POLI: variants seen among roughly 807,000 people sequenced by gnomAD.
The protein encoded by POLI is DNA polymerase iota.
Under a neutral mutation model 51.6 loss-of-function variants are expected in POLI, and 58 were observed. The observed-to-expected ratio is 1.12, with a 90% CI of 0.91 to 1.40. The LOEUF is 1.40. Among genes scored for constraint, POLI ranks in the 40% most tolerant of loss-of-function variants. The pLI is 0.00. For missense variants in POLI, 921 were observed against 871.3 expected (o/e 1.06, Z -0.72); for synonymous variants, 322 against 299.7 (o/e 1.07, Z -0.77).
intron 3 of POLI, among the ~76,000 whole-genome samples, chr18:54,317,561 C>T (rs1001561638): frequency 2.0e-5 from 3 of 152,034 alleles, no homozygotes; most frequent in African/African-American, 7.2e-5. Flanking sequence ...TAAAGCAGAA[C>T]GTATTAAAAT....
intron 7 of POLI, among the ~76,000 whole-genome samples, chr18:54,285,202 C>T (rs1474717201): frequency 6.6e-6 from 1 of 152,182 alleles, no homozygotes; most frequent in Admixed American, 6.5e-5. Context: ...ATGACTCAGG[C>T]TGGGCCTGCG....
Position 54,296,252 on chromosome 18 carries a change from AAAT to A in POLI, c.*1786_*1788del. On this transcript the variant is annotated 3_prime_UTR_variant, in exon 10 of 10. Transcript: ENST00000579534. ...GAAAAAATGGCTAAGAAAACAAAGT[AAAT>A]GGTTTTGGCCAGCTTAAAAAGAGAA... is the stretch of plus-strand genomic sequence containing the variant. 4 of 985,432 alleles carry A rather than the reference AAAT, an allele frequency of 4.1e-6. No individual in the cohort carries two copies. The highest frequency in any genetic ancestry group is 4.8e-6 in the Non-Finnish European group (4 of 829,906). The allele number at this position is 985,432 out of a possible 1,614,324, so 61.0% of individuals were successfully genotyped here.
chr18:54,288,412 G>T (rs1420766146), intron 8 of POLI, among the ~76,000 whole-genome samples: 1 of 152,062 alleles, frequency 6.6e-6, no homozygotes, highest in African/African-American at 2.4e-5. Context: ...TACGGTAAGG[G>T]TCTTCATTCT....
At chr18:54,269,991 A>C in intron 1 of POLI, 5 of 1,074,210 alleles carry the variant, frequency 4.7e-6, no homozygotes, top group Non-Finnish European at 5.6e-6. Context: ...GGGCCTTTTA[A>C]CTTTGGAGAA....
At chr18:54,291,800 A>T in intron 8 of POLI, 33 bp from the exon 9 acceptor site, 1 of 1,005,672 alleles carries the variant, frequency 9.9e-7, no homozygotes, top group Non-Finnish European at 1.5e-6. Context: ...CTTAATATTA[A>T]TTATAATGTT....
chr18:54,296,288 T>C lies in POLI; in HGVS notation c.*1821T>C, dbSNP rs2088322201. ...GCCAGCTTAAAAAGAGAAAGCAAAA[T>C]AGTTAAAAATACATTTCATAGATTG... is the stretch of plus-strand genomic sequence containing the variant. On this transcript the variant is annotated 3_prime_UTR_variant, in exon 10 of 10. Coordinates refer to ENST00000579534, the MANE Select transcript of POLI (RefSeq NM_007195.3). The C allele has an allele frequency of 4.1e-6, 4 of 984,970 alleles. No individual in the cohort carries two copies. The highest frequency in any genetic ancestry group is 4.8e-6 in the Non-Finnish European group (4 of 829,746). 61.0% of individuals were successfully genotyped at this position (984,970 alleles called of 1,614,324 possible). A position where few individuals can be genotyped will look rare whatever the true frequency, so the allele number is the denominator to read the frequency against.
Position 54,277,757 on chromosome 18 carries a change from T to C in POLI, c.461T>C (p.Phe154Ser). 7 of 1,610,450 alleles carry C rather than the reference T, an allele frequency of 4.3e-6. No homozygotes were observed. Among genetic ancestry groups the C allele is most frequent in the Non-Finnish European group, 5.9e-6 (7 of 1,177,256 alleles). Residue 154 changes from phenylalanine (F) to serine (S), a missense_variant, in exon 4 of 10, where the codon TTT becomes TCT. By Grantham distance (155) the Phe-to-Ser change is radical. Coordinates refer to ENST00000579534, the MANE Select transcript of POLI (RefSeq NM_007195.3). ...VVERLGFDENFVDLTEMVEKR... is the reference protein window; with the variant it reads ...VVERLGFDENSVDLTEMVEKR... ...GAGAGACTTGGATTTGATGAAAATTTTGTGGATCTAACAGAAATGGTTGAG... is the reference window on the plus strand; with the variant it reads ...GAGAGACTTGGATTTGATGAAAATTCTGTGGATCTAACAGAAATGGTTGAG...
rs1418743863 is a variant in POLI, at chr18:54,298,143, T to C, written c.*3676T>C. 1.4e-6 allele frequency: 1 copy of C among 729,378 alleles called. No individual in the cohort carries two copies. Among genetic ancestry groups the C allele is most frequent in the Non-Finnish European group, 1.7e-6 (1 of 596,352 alleles). The allele number at this position is 729,378 out of a possible 1,614,324, so 45.2% of individuals were successfully genotyped here. A position where few individuals can be genotyped will look rare whatever the true frequency, so the allele number is the denominator to read the frequency against. On this transcript the variant is annotated 3_prime_UTR_variant, in exon 10 of 10. Coordinates refer to ENST00000579534, the MANE Select transcript of POLI (RefSeq NM_007195.3). ...AAACTTCTATTTTAAAATCTGTATA[T>C]AGAAAGGTACATAAACATAAATGAA...
At chr18:54,274,435 A>C (rs1012785374) in intron 3 of POLI, among the ~76,000 whole-genome samples, 2 of 152,080 alleles carry the variant, frequency 1.3e-5, no homozygotes, top group Non-Finnish European at 2.9e-5. Flanking sequence ...ATTACGAAGA[A>C]ATATGTTGTT....
intron 3 of POLI, among the ~76,000 whole-genome samples, chr18:54,310,273 G>A (rs181674589): frequency 2.0e-5 from 3 of 152,154 alleles, no homozygotes; most frequent in East Asian, 3.9e-4. Flanking sequence ...TTTCTAGTTC[G>A]CTGTTTTACT....
At position 54,296,785 on chromosome 18, in the gene POLI, AT is replaced by A; in HGVS notation, c.*2323del. On this transcript the variant is annotated 3_prime_UTR_variant, in exon 10 of 10. Coordinates refer to ENST00000579534, the MANE Select transcript of POLI (RefSeq NM_007195.3). ...TGATGGTTTTAATTTCAATAAATAT[AT>A]TTTTCATTTGATTCTTTTTAACTTC... The A allele has an allele frequency of 2.2e-6, 1 of 456,348 alleles. No homozygotes were observed. The highest frequency in any genetic ancestry group is 2.9e-6 in the Non-Finnish European group (1 of 348,624). The allele number at this position is 456,348 out of a possible 1,614,324, so 28.3% of individuals were successfully genotyped here.
chr18:54,270,845 T>C (rs1435467690), intron 1 of POLI: 1 of 152,570 alleles, frequency 6.6e-6, no homozygotes, highest in East Asian at 1.9e-4. Flanking sequence ...GCACTGGCGA[T>C]TTAGCATTAA....
chr18:54,274,862 A>G (rs553065204), intron 3 of POLI: 1 of 152,276 alleles, frequency 6.6e-6, no homozygotes, highest in South Asian at 2.1e-4. Flanking sequence ...ACTGGATTAA[A>G]TGTCTATAAT....
At chr18:54,273,461 AAAAT>A (rs2087099151) in intron 2 of POLI, among the ~76,000 whole-genome samples, 1 of 151,798 alleles carries the variant, frequency 6.6e-6, no homozygotes, top group Non-Finnish European at 1.5e-5. Flanking sequence ...TGTCTGGAAA[AAAAT>A]CCTAGAGAGA....
intron 4 of POLI, chr18:54,320,528 T>C (rs1255027287): frequency 6.6e-6 from 1 of 152,212 alleles, no homozygotes; most frequent in East Asian, 1.9e-4. Context: ...GTGTGTGCTT[T>C]TTTAGATTTG....
intron 6 of POLI, among the ~76,000 whole-genome samples, chr18:54,283,369 T>C (rs1045409009): frequency 3.9e-5 from 6 of 152,128 alleles, no homozygotes; most frequent in African/African-American, 1.2e-4. Flanking sequence ...CCAGTTAACA[T>C]TGACTGATTT....
rs1219997719 is a variant in POLI, at chr18:54,294,417, C to T, written c.2173C>T (p.Leu725=). The change falls in exon 10 of 10, where the codon CTG becomes TTG. Residue 725 remains leucine (L), a synonymous_variant. Coordinates refer to ENST00000579534, the MANE Select transcript of POLI (RefSeq NM_007195.3). ...ELPEAVQKEL[L]AEWKRAGSDF... ...ACCAGAAGCAGTACAAAAGGAACTG[C>T]TGGCAGAGTGGAAGAGAGCAGGATC... 6.2e-7 allele frequency: 1 copy of T among 1,612,020 alleles called. No individual in the cohort carries two copies. The highest frequency in any genetic ancestry group is 2.2e-5 in the East Asian group (1 of 44,850).
chr18:54,280,140 G>A (rs1317170659), intron 4 of POLI, among the ~76,000 whole-genome samples: 1 of 152,174 alleles, frequency 6.6e-6, no homozygotes, highest in Non-Finnish European at 1.5e-5. Flanking sequence ...AGTCCATTTA[G>A]TGTTGCTTTA....
chr18:54,269,739 C>T (rs1702688448), intron 1 of POLI, 78 bp downstream of exon 1: 20 of 1,407,504 alleles, frequency 1.4e-5, no homozygotes, highest in Non-Finnish European at 1.8e-5. Flanking sequence ...CTCGGGGCGG[C>T]GGCCACTGGG....
Sources: allele counts gnomAD v4.1 joint callset (sites outside exome capture counted in the v4.1 genomes callset), GRCh38; gene constraint gnomAD v4.1.1; transcripts MANE v1.5; gene names NCBI Gene and HGNC (gene_info 2026-07-23, HGNC 2026-07-21).